The following ZNF148 variants were observed in gnomAD, a reference collection of about 807,000 sequenced individuals.
ZNF148 encodes the protein zinc finger protein 148.
A neutral mutation model predicts 67.7 loss-of-function variants in ZNF148; 7 were observed. The observed-to-expected ratio is 0.10, with a 90% CI of 0.06 to 0.19. The LOEUF (loss-of-function observed/expected upper bound fraction) is 0.19. ZNF148 is among the 10% of genes least tolerant of loss of function. ZNF148 has a pLI of 1.00. For missense variants in ZNF148, 583 were observed against 947.1 expected (o/e 0.62, Z 5.05); for synonymous variants, 333 against 330.7 (o/e 1.01, Z -0.08).
intron 1 of ZNF148, among the ~76,000 whole-genome samples, chr3:125,364,095 A>C (rs964776470): frequency 1.1e-4 from 16 of 152,208 alleles, no homozygotes; most frequent in African/African-American, 3.4e-4. Flanking sequence ...ATACTGACTT[A>C]AGTTAAAACT....
rs1235212071 is a variant in ZNF148, at chr3:125,245,764, T to A, written c.668-11435A>T. Among the ~76,000 whole-genome samples, 3 of 152,348 alleles carry A rather than the reference T, an allele frequency of 2.0e-5. No individual in the cohort carries two copies. In the South Asian group the frequency reaches 6.2e-4, roughly 32 times the overall value. ...TCATCCTGTGGTCTAGCCTATCACA[T>A]AATATCCTCCTAAGGAGTAGTTTCT... On this transcript the variant is annotated intron_variant, in intron 7 of 8. Coordinates refer to ENST00000360647, the MANE Select transcript of ZNF148 (RefSeq NM_021964.3).
chr3:125,272,566 C>G (rs778829920), intron 7 of ZNF148, among the ~76,000 whole-genome samples: 13 of 151,808 alleles, frequency 8.6e-5, no homozygotes, highest in Admixed American at 3.3e-4. Flanking sequence ...TTCCCCTATC[C>G]TCCTAAACAA....
intron 1 of ZNF148, among the ~76,000 whole-genome samples, chr3:125,367,600 T>C (rs750685589): frequency 2.0e-5 from 3 of 152,210 alleles, no homozygotes; most frequent in Non-Finnish European, 4.4e-5. Context: ...ATATAGACAA[T>C]TCAGATCTCC....
At chr3:125,344,299 T>A (rs568563382) in intron 1 of ZNF148, 11 of 476,446 alleles carry the variant, frequency 2.3e-5, no homozygotes, top group African/African-American at 2.0e-4. Flanking sequence ...GAAGCCCCCA[T>A]GACCTAGTGA....
intron 1 of ZNF148, among the ~76,000 whole-genome samples, chr3:125,362,521 T>TCC (rs2107784400): frequency 6.6e-6 from 1 of 151,356 alleles, no homozygotes; most frequent in South Asian, 2.1e-4. Flanking sequence ...AATCATATGA[T>TCC]CCCCCACCAA....
intron 4 of ZNF148, chr3:125,310,927 G>A (rs192685920): frequency 1.3e-4 from 27 of 213,054 alleles, no homozygotes; most frequent in Non-Finnish European, 2.0e-4. Flanking sequence ...CCAGCAAACA[G>A]GCTGGTTTGC....
In ZNF148 at chr3:125,331,690, C is replaced by A. The variant is rs114029688; in HGVS notation, c.-233-452G>T. ...AAAAAATCTAAATATATTAAGGATG[C>A]AGTTTTTGAAAACACAAACAGCATT... On this transcript the variant is annotated intron_variant, in intron 1 of 8. Transcript: ENST00000360647. 5.3e-3 allele frequency among the ~76,000 whole-genome samples: 810 copies of A among 152,276 alleles called. 6 individuals are homozygous for A. Among genetic ancestry groups the A allele is most frequent in the African/African-American group, 0.018 (768 of 41,564 alleles).
chr3:125,257,684 A>G (rs1937148624), intron 7 of ZNF148, among the ~76,000 whole-genome samples: 1 of 151,996 alleles, frequency 6.6e-6, no homozygotes, highest in South Asian at 2.1e-4. Flanking sequence ...AAATAAGGAA[A>G]TGCTTCTTTT....
At chr3:125,240,777 A>C (rs1210069689) in intron 7 of ZNF148, among the ~76,000 whole-genome samples, 4 of 150,312 alleles carry the variant, frequency 2.7e-5, no homozygotes, top group East Asian at 3.9e-4. Context: ...AAAAAAAAAA[A>C]AAACCAAAAA....
chr3:125,350,502 C>G (rs972126440), intron 1 of ZNF148, among the ~76,000 whole-genome samples: 1 of 152,222 alleles, frequency 6.6e-6, no homozygotes, highest in Non-Finnish European at 1.5e-5. Context: ...ATGTTAACTA[C>G]AGCAGTAGTC....
At position 125,272,888 on chromosome 3, in the gene ZNF148, C is replaced by T. The variant is rs894854546; in HGVS notation, c.667+4838G>A. ...TTAATACTTCCTTGGCAAGCTCTGT[C>T]CATGCCAGTGCAGTCTGGGCTTCAG... On this transcript the variant is annotated intron_variant, in intron 7 of 8. Transcript: ENST00000360647. Among the ~76,000 whole-genome samples, 48 of 152,198 alleles carry T rather than the reference C, an allele frequency of 3.2e-4. 2 individuals are homozygous for T. The highest frequency in any genetic ancestry group is 1.7e-3 in the South Asian group (8 of 4,832).
chr3:125,352,487 T>C (rs1231489094), intron 1 of ZNF148, among the ~76,000 whole-genome samples: 4 of 152,094 alleles, frequency 2.6e-5, no homozygotes, highest in Non-Finnish European at 5.9e-5. Context: ...CTCTGTACAC[T>C]GAAAACAACT....
chr3:125,319,011 C>A (rs1579793663), intron 3 of ZNF148, among the ~76,000 whole-genome samples: 1 of 152,216 alleles, frequency 6.6e-6, no homozygotes, highest in South Asian at 2.1e-4. Context: ...CCCAACCCCC[C>A]CACACACCTA....
intron 1 of ZNF148, among the ~76,000 whole-genome samples, chr3:125,332,000 C>T (rs1025080508): frequency 6.6e-6 from 1 of 152,136 alleles, no homozygotes; most frequent in Admixed American, 6.5e-5. Context: ...TTTTATGTAA[C>T]AGTCCTAATA....
intron 1 of ZNF148, among the ~76,000 whole-genome samples, chr3:125,367,435 A>G (rs1186865892): frequency 6.6e-6 from 1 of 152,208 alleles, no homozygotes; most frequent in Non-Finnish European, 1.5e-5. Context: ...ACATTGATCT[A>G]TATTCTTTAA....
chr3:125,305,791 C>CAAAAAAAAA (rs778876630), intron 4 of ZNF148, among the ~76,000 whole-genome samples: 1 of 81,992 alleles, frequency 1.2e-5, no homozygotes. Flanking sequence ...CCAGCACGGG[C>CAAAAAAAAA]AAAAAAAAAA....
intron 3 of ZNF148, among the ~76,000 whole-genome samples, chr3:125,319,337 TA>T (rs1940669091): frequency 6.6e-6 from 1 of 152,218 alleles, no homozygotes. Flanking sequence ...AGGCTTTTAA[TA>T]CAAATGTTTT....
At chr3:125,288,017 T>C in intron 5 of ZNF148, 86 bp downstream of exon 5, 3 of 1,584,756 alleles carry the variant, frequency 1.9e-6, no homozygotes, top group Non-Finnish European at 2.6e-6. Context: ...ACATCTGCCT[T>C]AGGGTCCAGC....
intron 7 of ZNF148, among the ~76,000 whole-genome samples, chr3:125,274,943 G>A (rs943827595): frequency 6.6e-6 from 1 of 152,100 alleles, no homozygotes; most frequent in Non-Finnish European, 1.5e-5. Flanking sequence ...GCCTTCACAT[G>A]GGCAAACTTC....
Sources: allele counts gnomAD v4.1 joint callset (sites outside exome capture counted in the v4.1 genomes callset), GRCh38; gene constraint gnomAD v4.1.1; transcripts MANE v1.5; gene names NCBI Gene and HGNC (gene_info 2026-07-23, HGNC 2026-07-21).